The following TBC1D5 variants were observed in gnomAD, a reference collection of about 807,000 sequenced individuals.
TBC1D5 encodes the protein TBC1 domain family member 5, also known as TBC1 domain family, member 5.
In TBC1D5, 75 loss-of-function variants were observed where a neutral mutation model predicts 100.3. The ratio of observed to expected loss-of-function variants is 0.75; its 90% CI spans 0.62 to 0.91. The LOEUF (loss-of-function observed/expected upper bound fraction) is 0.91, where lower values mean the gene tolerates loss of function less well. Ranked by LOEUF, TBC1D5 falls within the 40% of genes least tolerant of loss-of-function variation. TBC1D5 has a pLI of 0.00. For synonymous variants in TBC1D5, 323 were observed against 325.6 expected, an observed-to-expected ratio of 0.99 and a Z score of 0.09; for missense variants, 910 against 942.4, an observed-to-expected ratio of 0.97 and a Z score of 0.45.
rs75364704 is a variant in TBC1D5 at position 17,393,141 on chromosome 3, G to A, written c.510-9126C>T. Among the ~76,000 whole-genome samples, 1,282 of 149,532 alleles carry A rather than the reference G, an allele frequency of 8.6e-3. 44 individuals carry two copies. The highest frequency in any genetic ancestry group is 0.06 in the Admixed American group (906 of 15,104). ...AGGTTTTTTTTTTTCCATGTTTGTT[G>A]GCCGCATAAATGTCTTCCTTTGAGA... On this transcript the variant is annotated intron_variant, in intron 8 of 21. Transcript: ENST00000253692.
intron 17 of TBC1D5, among the ~76,000 whole-genome samples, chr3:17,222,162 C>T (rs2074360797): frequency 6.6e-6 from 1 of 152,026 alleles, no homozygotes; most frequent in South Asian, 2.1e-4. Flanking sequence ...TAGTTGTATT[C>T]TGATGTTCAC....
chr3:17,424,770 A>C (rs2094298956), intron 4 of TBC1D5, among the ~76,000 whole-genome samples: 1 of 152,166 alleles, frequency 6.6e-6, no homozygotes, highest in African/African-American at 2.4e-5. Context: ...ATCCAAAGTA[A>C]ACATCCCAGG....
intron 10 of TBC1D5, among the ~76,000 whole-genome samples, chr3:17,375,271 TA>T (rs137998096): frequency 3.3e-5 from 5 of 149,474 alleles, no homozygotes; most frequent in East Asian, 1.9e-4. Context: ...ACTCACATGT[TA>T]AAAAAAAAAT....
Position 17,644,019 on chromosome 3 carries a change from C to A in TBC1D5, c.-100-20106G>T, listed in dbSNP as rs761829943. On this transcript the variant is annotated intron_variant, in intron 1 of 21. Transcript: ENST00000253692. ...TCTCATTCCTCAACCTGAAACCTTGCCACATAAGCATAAAATTATACCAGT... is the reference window on the plus strand; with the variant it reads ...TCTCATTCCTCAACCTGAAACCTTGACACATAAGCATAAAATTATACCAGT... 15 of 152,112 alleles carry A rather than the reference C, an allele frequency of 9.9e-5. 1 individual carries two copies. The highest frequency in any genetic ancestry group is 6.2e-4 in the South Asian group (3 of 4,832). 9.4% of individuals were successfully genotyped at this position (152,112 alleles called of 1,614,324 possible). A position where few individuals can be genotyped will look rare whatever the true frequency, so the allele number is the denominator to read the frequency against.
chr3:17,578,969 T>C (rs1032121941), intron 2 of TBC1D5, among the ~76,000 whole-genome samples: 9 of 151,988 alleles, frequency 5.9e-5, no homozygotes, highest in African/African-American at 2.2e-4. Flanking sequence ...TCCAAATAAT[T>C]TGGGTTTTCA....
chr3:17,504,697 T>C (rs2095825692), intron 3 of TBC1D5, among the ~76,000 whole-genome samples: 1 of 152,172 alleles, frequency 6.6e-6, no homozygotes, highest in African/African-American at 2.4e-5. Flanking sequence ...GACTTTTTCA[T>C]CTCTAAGATG....
chr3:17,563,494 T>C (rs939223693), intron 2 of TBC1D5, among the ~76,000 whole-genome samples: 1 of 152,194 alleles, frequency 6.6e-6, no homozygotes, highest in African/African-American at 2.4e-5. Context: ...AAAAATATAT[T>C]TCAAAACGGA....
At chr3:17,236,067 A>G (rs930460813) in intron 17 of TBC1D5, among the ~76,000 whole-genome samples, 1 of 152,140 alleles carries the variant, frequency 6.6e-6, no homozygotes, top group Non-Finnish European at 1.5e-5. Flanking sequence ...TTGTCTCCTT[A>G]TAACTGGGGA....
chr3:17,645,904 G>A (rs980493524), intron 1 of TBC1D5, among the ~76,000 whole-genome samples: 2 of 151,840 alleles, frequency 1.3e-5, no homozygotes, highest in South Asian at 4.1e-4. Context: ...TCCCCTTCCC[G>A]ATCTCCTACT....
chr3:17,657,329 CTTTT>C (rs35431642), intron 1 of TBC1D5, among the ~76,000 whole-genome samples: 11 of 107,032 alleles, frequency 1.0e-4, no homozygotes, highest in Admixed American at 4.3e-4. Flanking sequence ...CAAATTCTTT[CTTTT>C]TTTTTTTTTT....
intron 17 of TBC1D5, among the ~76,000 whole-genome samples, chr3:17,217,993 A>G (rs1472850209): frequency 2.6e-5 from 4 of 152,016 alleles, no homozygotes; most frequent in Non-Finnish European, 5.9e-5. Flanking sequence ...TAACTCCTGC[A>G]TTTAATTCTA....
intron 19 of TBC1D5, among the ~76,000 whole-genome samples, chr3:17,170,419 G>C (rs1177371590): frequency 2.6e-5 from 4 of 152,178 alleles, no homozygotes; most frequent in African/African-American, 9.7e-5. Context: ...TCCCCCTGGA[G>C]GTCATATCCA....
chr3:17,265,851 T>G (rs2078791773), intron 15 of TBC1D5, among the ~76,000 whole-genome samples: 2 of 151,878 alleles, frequency 1.3e-5, no homozygotes, highest in East Asian at 3.9e-4. Flanking sequence ...TTTTCTCTTC[T>G]TATAGTTTTA....
At chr3:17,565,991 C>T (rs1422423111) in intron 2 of TBC1D5, among the ~76,000 whole-genome samples, 2 of 151,822 alleles carry the variant, frequency 1.3e-5, no homozygotes, top group South Asian at 2.1e-4. Flanking sequence ...CAGTATTCTA[C>T]GGAGGAAAAT....
At chr3:17,491,017 T>A (rs1576329617) in intron 3 of TBC1D5, among the ~76,000 whole-genome samples, 1 of 152,226 alleles carries the variant, frequency 6.6e-6, no homozygotes, top group Non-Finnish European at 1.5e-5. Flanking sequence ...CTTGAAGAGG[T>A]CCTTCACTTC....
chr3:17,192,002 AAGT>A (rs899363872), intron 18 of TBC1D5, among the ~76,000 whole-genome samples: 55 of 152,276 alleles, frequency 3.6e-4, no homozygotes, highest in African/African-American at 1.2e-3. Context: ...ACAGGTTACA[AAGT>A]AGTAGGTAAA....
chr3:17,456,143 C>A lies in TBC1D5; in HGVS notation c.98-27624G>T, dbSNP rs564391071. ...CCTATCTCCTGACATATGGAAAAAT[C>A]AAATAAAAACATGATTAAAGACTTA... On this transcript the variant is annotated intron_variant, in intron 3 of 21. Coordinates refer to ENST00000253692, the Ensembl canonical transcript of TBC1D5. Among the ~76,000 whole-genome samples the A allele has an allele frequency of 5.9e-5, 9 of 152,118 alleles. No homozygotes were observed. In the East Asian group the frequency reaches 1.2e-3, roughly 20 times the overall value.
chr3:17,227,970 T>G (rs1393881568), intron 17 of TBC1D5, among the ~76,000 whole-genome samples: 1 of 151,720 alleles, frequency 6.6e-6, no homozygotes, highest in Non-Finnish European at 1.5e-5. Context: ...TGAGGCCAGA[T>G]CAAGGGTCTG....
chr3:17,681,049 C>T (rs963311613), intron 1 of TBC1D5, among the ~76,000 whole-genome samples: 2 of 151,302 alleles, frequency 1.3e-5, no homozygotes, highest in South Asian at 2.1e-4. Flanking sequence ...TTGTGTTTAC[C>T]GTGACCTTTG....
Sources: allele counts gnomAD v4.1 joint callset (sites outside exome capture counted in the v4.1 genomes callset), GRCh38; gene constraint gnomAD v4.1.1; transcripts MANE v1.5; gene names NCBI Gene and HGNC (gene_info 2026-07-23, HGNC 2026-07-21).